Variants in NEGR1 observed in about 807,000 individuals in gnomAD.
NEGR1 encodes the protein IgLON family member 4.
A neutral mutation model predicts 40.9 loss-of-function variants in NEGR1; 10 were observed. The ratio of observed to expected loss-of-function variants is 0.24; its 90% CI spans 0.15 to 0.42. NEGR1 has a LOEUF of 0.42. Ranked by LOEUF, NEGR1 falls within the 10% of genes least tolerant of loss-of-function variation. The pLI is 1.00. For missense variants in NEGR1, 352 were observed against 438.9 expected, an observed-to-expected ratio of 0.80 and a Z score of 1.77; for synonymous variants, 185 against 166.8, an observed-to-expected ratio of 1.11 and a Z score of -0.84.
chr1:72,047,743 A>C (rs1647015301), intron 1 of NEGR1, among the ~76,000 whole-genome samples: 1 of 151,520 alleles, frequency 6.6e-6, no homozygotes, highest in Non-Finnish European at 1.5e-5. Context: ...TTTTAAACTT[A>C]AGAAATTATA....
chr1:71,943,771 G>T (rs896308568), intron 1 of NEGR1, among the ~76,000 whole-genome samples: 3 of 152,072 alleles, frequency 2.0e-5, no homozygotes, highest in African/African-American at 7.2e-5. Context: ...AATTTCATTT[G>T]CAGAATGATT....
chr1:71,573,717 T>C (rs1331782828), intron 6 of NEGR1, among the ~76,000 whole-genome samples: 2 of 152,188 alleles, frequency 1.3e-5, no homozygotes, highest in Non-Finnish European at 2.9e-5. Flanking sequence ...GTCTCTTATA[T>C]TTTTTAGACA....
chr1:71,803,967 T>C (rs1408224537), intron 2 of NEGR1, among the ~76,000 whole-genome samples: 1 of 152,078 alleles, frequency 6.6e-6, no homozygotes, highest in African/African-American at 2.4e-5. Context: ...CAAAGAATAA[T>C]GACCTTCATA....
At chr1:71,471,723 C>G (rs1646783675) in intron 6 of NEGR1, among the ~76,000 whole-genome samples, 1 of 152,096 alleles carries the variant, frequency 6.6e-6, no homozygotes, top group South Asian at 2.1e-4. Context: ...ACCTTAACTT[C>G]CCTGCCCAAA....
chr1:72,249,516 G>A (rs149249581), intron 1 of NEGR1, among the ~76,000 whole-genome samples: 2 of 152,198 alleles, frequency 1.3e-5, no homozygotes, highest in African/African-American at 4.8e-5. Context: ...GGGCTAGAGA[G>A]GAAATATGAA....
At chr1:72,276,062 G>A (rs892316082) in intron 1 of NEGR1, among the ~76,000 whole-genome samples, 5 of 152,016 alleles carry the variant, frequency 3.3e-5, no homozygotes, top group Non-Finnish European at 5.9e-5. Context: ...GTGCCACTTC[G>A]CTCCAGCTTG....
At chr1:71,930,349 T>G (rs983618853) in intron 2 of NEGR1, among the ~76,000 whole-genome samples, 1 of 152,164 alleles carries the variant, frequency 6.6e-6, no homozygotes, top group Non-Finnish European at 1.5e-5. Flanking sequence ...TTTTAACCTA[T>G]GAACTATGAA....
At chr1:72,049,635 C>T (rs1647038548) in intron 1 of NEGR1, among the ~76,000 whole-genome samples, 1 of 151,084 alleles carries the variant, frequency 6.6e-6, no homozygotes, top group South Asian at 2.1e-4. Context: ...TTCCCATTGT[C>T]ATTGTACACA....
chr1:71,670,524 A>G (rs1168468590), intron 4 of NEGR1, among the ~76,000 whole-genome samples: 1 of 152,004 alleles, frequency 6.6e-6, no homozygotes, highest in Non-Finnish European at 1.5e-5. Context: ...CTTAGCTATT[A>G]TGAGTCAAAC....
intron 4 of NEGR1, among the ~76,000 whole-genome samples, chr1:71,630,738 C>T (rs1386882441): frequency 1.3e-5 from 2 of 151,730 alleles, no homozygotes; most frequent in East Asian, 3.9e-4. Flanking sequence ...GTTTCCAGGG[C>T]ATTTTAAATG....
intron 4 of NEGR1, among the ~76,000 whole-genome samples, chr1:71,615,087 T>C (rs1040811170): frequency 6.6e-6 from 1 of 152,230 alleles, no homozygotes; most frequent in Admixed American, 6.5e-5. Flanking sequence ...CTCATGAGGC[T>C]ATCCCTTTGT....
At chr1:71,657,805 C>T (rs1651926077) in intron 4 of NEGR1, among the ~76,000 whole-genome samples, 1 of 152,136 alleles carries the variant, frequency 6.6e-6, no homozygotes, top group African/African-American at 2.4e-5. Context: ...CAATACTTAA[C>T]TAGTGCTTTC....
At chr1:71,672,369 G>A (rs912904394) in intron 4 of NEGR1, among the ~76,000 whole-genome samples, 4 of 152,162 alleles carry the variant, frequency 2.6e-5, no homozygotes, top group Non-Finnish European at 5.9e-5. Context: ...ACACTCATGA[G>A]TAGCATTTAA....
intron 3 of NEGR1, among the ~76,000 whole-genome samples, chr1:71,756,420 AAAAC>A (rs1655744080): frequency 6.6e-6 from 1 of 150,956 alleles, no homozygotes; most frequent in Admixed American, 6.6e-5. Flanking sequence ...ACAAAAAAAA[AAAAC>A]CAAAAAAAAC....
intron 1 of NEGR1, among the ~76,000 whole-genome samples, chr1:71,984,720 A>G: frequency 6.6e-6 from 1 of 152,226 alleles, no homozygotes; most frequent in East Asian, 1.9e-4. Flanking sequence ...ATAAAGTAAG[A>G]CTACAGTAAA....
intron 1 of NEGR1, among the ~76,000 whole-genome samples, chr1:72,115,021 G>A (rs1475107975): frequency 6.6e-6 from 1 of 151,624 alleles, no homozygotes; most frequent in East Asian, 1.9e-4. Context: ...GAAAAATCTG[G>A]CTTTCTAAAC....
intron 6 of NEGR1, among the ~76,000 whole-genome samples, chr1:71,427,495 C>T (rs1646436014): frequency 6.6e-6 from 1 of 152,164 alleles, no homozygotes. Flanking sequence ...TATATTACAG[C>T]AAGGCAGGAA....
At chr1:71,812,350 A>G (rs1047515806) in intron 2 of NEGR1, among the ~76,000 whole-genome samples, 3 of 152,120 alleles carry the variant, frequency 2.0e-5, no homozygotes, top group African/African-American at 7.2e-5. Context: ...TAGTGCTGCA[A>G]TGAGCATAAA....
chr1:72,157,733 A>C (rs1427552080), intron 1 of NEGR1, among the ~76,000 whole-genome samples: 1 of 152,144 alleles, frequency 6.6e-6, no homozygotes, highest in Non-Finnish European at 1.5e-5. Flanking sequence ...TATGAATCCA[A>C]GGCAATACCA....
Sources: gnomAD v4.1 joint callset for allele counts (sites outside exome capture counted in the v4.1 genomes callset) on GRCh38, gnomAD v4.1.1 for gene constraint, MANE v1.5 for transcripts, NCBI Gene and HGNC (gene_info 2026-07-23, HGNC 2026-07-21) for gene names.